HECW1: variants seen among roughly 807,000 people sequenced by gnomAD.
HECW1 encodes the protein HECT, C2 and WW domain containing E3 ubiquitin protein ligase 1, also known as E3 ubiquitin-protein ligase HECW1.
HECW1 carries 61 observed loss-of-function variants against 182.3 expected under a neutral mutation model. The ratio of observed to expected loss-of-function variants is 0.33; its 90% CI spans 0.27 to 0.41. HECW1 has a LOEUF of 0.41. HECW1 is among the 10% of genes least tolerant of loss of function. HECW1 has a pLI of 1.00. For missense variants in HECW1, 1,739 were observed against 2,108.9 expected (o/e 0.82, Z 3.44); for synonymous variants, 859 against 832.6 (o/e 1.03, Z -0.55).
intron 2 of HECW1, among the ~76,000 whole-genome samples, chr7:43,137,336 T>C (rs1223604220): frequency 2.0e-5 from 3 of 152,078 alleles, no homozygotes; most frequent in Non-Finnish European, 2.9e-5. Context: ...CAGCTCAGGT[T>C]CCAAGACCAT....
chr7:43,461,522 G>A (rs141491141), intron 13 of HECW1, among the ~76,000 whole-genome samples: 8 of 152,288 alleles, frequency 5.3e-5, no homozygotes, highest in African/African-American at 1.9e-4. Flanking sequence ...CTTAGTCTTT[G>A]GCAGGCCCCG....
intron 11 of HECW1, among the ~76,000 whole-genome samples, chr7:43,450,451 C>T (rs1014767617): frequency 7.9e-5 from 12 of 152,082 alleles, no homozygotes; most frequent in Admixed American, 2.6e-4. Flanking sequence ...CCTTATAAAA[C>T]GCTGCATTTC....
intron 8 of HECW1, among the ~76,000 whole-genome samples, chr7:43,434,959 A>G (rs1044590039): frequency 6.6e-6 from 1 of 152,152 alleles, no homozygotes; most frequent in Non-Finnish European, 1.5e-5. Context: ...GAAATGGGGG[A>G]AAATATATTC....
chr7:43,555,412 A>G (rs577762807), intron 29 of HECW1, among the ~76,000 whole-genome samples: 4 of 152,328 alleles, frequency 2.6e-5, no homozygotes, highest in East Asian at 1.9e-4. Flanking sequence ...AATCCTTTCT[A>G]TGCCACTCTG....
At chr7:43,476,942 T>C (rs2152905004) in intron 16 of HECW1, among the ~76,000 whole-genome samples, 1 of 152,096 alleles carries the variant, frequency 6.6e-6, no homozygotes, top group Admixed American at 6.5e-5. Flanking sequence ...CAAACAAATA[T>C]CAAAAGCAAA....
intron 2 of HECW1, among the ~76,000 whole-genome samples, chr7:43,217,714 G>T (rs550341793): frequency 2.6e-4 from 39 of 152,326 alleles, no homozygotes; most frequent in African/African-American, 9.4e-4. Context: ...TTTCTGAACT[G>T]TATCCTATTT....
intron 24 of HECW1, among the ~76,000 whole-genome samples, chr7:43,535,422 C>T (rs1002083980): frequency 1.3e-5 from 2 of 152,124 alleles, no homozygotes; most frequent in African/African-American, 2.4e-5. Flanking sequence ...TTTTCTTCAG[C>T]GTAGGTCAAG....
At chr7:43,289,387 G>A (rs573195435) in intron 3 of HECW1, among the ~76,000 whole-genome samples, 20 of 152,356 alleles carry the variant, frequency 1.3e-4, no homozygotes, top group African/African-American at 4.8e-4. Context: ...TTACAGGTAT[G>A]AGCCACCACG....
intron 17 of HECW1, among the ~76,000 whole-genome samples, chr7:43,485,714 G>A (rs1315481259): frequency 6.6e-6 from 1 of 152,104 alleles, no homozygotes; most frequent in African/African-American, 2.4e-5. Flanking sequence ...TTAAAAAATA[G>A]TACACCTGTA....
Position 43,193,981 on chromosome 7 carries a change from G to A in HECW1, c.-31-49894G>A, listed in dbSNP as rs566183058. Among the ~76,000 whole-genome samples, 166 of 152,286 alleles carry A rather than the reference G, an allele frequency of 1.1e-3. 2 individuals are homozygous for A. Among genetic ancestry groups the A allele is most frequent in the Middle Eastern group, 6.8e-3 (2 of 294 alleles). On this transcript the variant is annotated intron_variant, in intron 2 of 29. Coordinates refer to ENST00000395891, the MANE Select transcript of HECW1 (RefSeq NM_015052.5). ...ATTTTGGAGTAAAATGCTTTGATTC[G>A]CTTCAGCACTGGCTATGTGTTATGT...
At chr7:43,472,286 C>T (rs1313439283) in intron 16 of HECW1, among the ~76,000 whole-genome samples, 2 of 152,204 alleles carry the variant, frequency 1.3e-5, no homozygotes, top group Non-Finnish European at 2.9e-5. Context: ...CTTCTCTATG[C>T]CTGTCCTAAC....
At chr7:43,260,630 G>T (rs1329148518) in intron 3 of HECW1, among the ~76,000 whole-genome samples, 1 of 152,234 alleles carries the variant, frequency 6.6e-6, no homozygotes, top group Non-Finnish European at 1.5e-5. Flanking sequence ...AGTGGCTCAG[G>T]TGAGAAATGA....
rs1010233552 is a variant in HECW1 at position 43,456,164 on chromosome 7, G to A, written c.2501-133G>A. The A allele has an allele frequency of 2.0e-5, 16 of 784,488 alleles. No individual in the cohort carries two copies. The South Asian group carries it at 2.4e-4, about 12-fold the overall frequency. The allele number at this position is 784,488 out of a possible 1,614,324, so 48.6% of individuals were successfully genotyped here. On this transcript the variant is annotated intron_variant, in intron 12 of 29. Transcript: ENST00000395891. ...CCCAGAAGTCGTGGTGGCAGGTGCTGTGGGCAGGGTCTGGCCTGCAGCCAT... is the reference window on the plus strand; with the variant it reads ...CCCAGAAGTCGTGGTGGCAGGTGCTATGGGCAGGGTCTGGCCTGCAGCCAT...
intron 12 of HECW1, among the ~76,000 whole-genome samples, chr7:43,452,092 C>G (rs1006617665): frequency 2.6e-5 from 4 of 152,164 alleles, no homozygotes; most frequent in Non-Finnish European, 5.9e-5. Context: ...AAGGGCAAAG[C>G]CAAACATCAT....
In HECW1 at chr7:43,381,855, G is replaced by A. The variant is rs562507376; in HGVS notation, c.556-14959G>A. On this transcript the variant is annotated intron_variant, in intron 6 of 29. Coordinates refer to ENST00000395891, the MANE Select transcript of HECW1 (RefSeq NM_015052.5). ...TTTTTAAAAATTTTTTTAGAAATGG[G>A]GTTTCACTGTGTTGCCCAGGCTGGT... Among the ~76,000 whole-genome samples, 24 of 151,950 alleles carry A rather than the reference G, an allele frequency of 1.6e-4. No individual in the cohort carries two copies. In the East Asian group the frequency reaches 2.5e-3, roughly 16 times the overall value.
At chr7:43,497,954 G>T (rs1159311147) in intron 19 of HECW1, among the ~76,000 whole-genome samples, 1 of 152,194 alleles carries the variant, frequency 6.6e-6, no homozygotes, top group African/African-American at 2.4e-5. Context: ...TGTCAAGGAG[G>T]CAGTCGCCTG....
intron 6 of HECW1, among the ~76,000 whole-genome samples, chr7:43,387,814 G>T (rs1167938263): frequency 6.6e-6 from 1 of 152,220 alleles, no homozygotes; most frequent in African/African-American, 2.4e-5. Context: ...CCCCTTGATT[G>T]ACTAGCTTAT....
chr7:43,429,302 ATATATATATATATAT>A (rs1438059989), intron 8 of HECW1, among the ~76,000 whole-genome samples: 1 of 17,202 alleles, frequency 5.8e-5, no homozygotes, highest in African/African-American at 2.3e-4. Context: ...ATATATATAT[ATATATATATATATAT>A]ATATATATAT....
rs544899230 is a variant in HECW1 at position 43,506,997 on chromosome 7, G to A, written c.3632-140G>A. Reference sequence around the variant, plus strand: ...AAGTAGCAGAATCGCTTGAACCCAGGAGGTGGAAGTTGCGGTAAGCCGAGA... The same window carrying A: ...AAGTAGCAGAATCGCTTGAACCCAGAAGGTGGAAGTTGCGGTAAGCCGAGA... On this transcript the variant is annotated intron_variant, in intron 21 of 29. Transcript: ENST00000395891. The A allele has an allele frequency of 1.0e-5, 10 of 965,254 alleles. No individual in the cohort carries two copies. In the Admixed American group the frequency reaches 1.6e-4, roughly 16 times the overall value. 59.8% of individuals were successfully genotyped at this position (965,254 alleles called of 1,614,324 possible).
Sources: gnomAD v4.1 joint callset for allele counts (sites outside exome capture counted in the v4.1 genomes callset) on GRCh38, gnomAD v4.1.1 for gene constraint, MANE v1.5 for transcripts, NCBI Gene and HGNC (gene_info 2026-07-23, HGNC 2026-07-21) for gene names.